NEGR1: variants seen among roughly 807,000 people sequenced by gnomAD.
The protein encoded by NEGR1 is IgLON family member 4.
A neutral mutation model predicts 40.9 loss-of-function variants in NEGR1; 10 were observed. The ratio of observed to expected loss-of-function variants is 0.24; its 90% CI spans 0.15 to 0.42. NEGR1 has a LOEUF of 0.42. Among genes scored for constraint, NEGR1 ranks in the 10% least tolerant of loss-of-function variants. The pLI, the probability that NEGR1 is intolerant of heterozygous loss-of-function variation, is 1.00. For missense variants in NEGR1, 352 were observed against 438.9 expected (o/e 0.80, Z 1.77); for synonymous variants, 185 against 166.8 (o/e 1.11, Z -0.84).
At chr1:71,593,027 T>TA (rs1451625061) in intron 5 of NEGR1, 59 bp from the exon 6 acceptor site, 81 of 1,316,058 alleles carry the variant, frequency 6.2e-5, no homozygotes, top group Non-Finnish European at 8.0e-5. Flanking sequence ...TTCATTTTTT[T>TA]ATCTTAGCTG....
chr1:71,421,119 C>T (rs187725556), intron 6 of NEGR1, among the ~76,000 whole-genome samples: 6 of 151,926 alleles, frequency 3.9e-5, no homozygotes, highest in South Asian at 2.1e-4. Context: ...ATAATAAATA[C>T]GTATTGATCA....
chr1:71,467,675 C>T (rs1646755771), intron 6 of NEGR1, among the ~76,000 whole-genome samples: 1 of 151,356 alleles, frequency 6.6e-6, no homozygotes, highest in Non-Finnish European at 1.5e-5. Flanking sequence ...GAGGATGAAA[C>T]ATTTTATACT....
intron 3 of NEGR1, among the ~76,000 whole-genome samples, chr1:71,751,632 C>T (rs1355691699): frequency 6.6e-6 from 1 of 152,002 alleles, no homozygotes; most frequent in Non-Finnish European, 1.5e-5. Context: ...AGGAGCTATT[C>T]AGCCCAGAGC....
At chr1:71,560,467 T>TATATATATATATATATA (rs1309219578) in intron 6 of NEGR1, among the ~76,000 whole-genome samples, 1 of 93,258 alleles carries the variant, frequency 1.1e-5, no homozygotes, top group Non-Finnish European at 2.4e-5. Context: ...ATATTTCCAA[T>TATATATATATATATATA]TAACCATCAT....
chr1:71,674,586 GCACACACACACACACACA>G (rs3220087), intron 4 of NEGR1, among the ~76,000 whole-genome samples: 4 of 146,806 alleles, frequency 2.7e-5, no homozygotes, highest in African/African-American at 1.0e-4. Context: ...TGCTGGGAGG[GCACACACACACACACACA>G]CACACACACA....
intron 6 of NEGR1, among the ~76,000 whole-genome samples, chr1:71,513,593 T>A (rs1254281498): frequency 6.6e-6 from 1 of 152,196 alleles, no homozygotes; most frequent in Non-Finnish European, 1.5e-5. Flanking sequence ...TGTAGACATT[T>A]TCTTAAAATA....
intron 2 of NEGR1, among the ~76,000 whole-genome samples, chr1:71,898,964 CATAT>C (rs56183950): frequency 4.2e-5 from 4 of 95,938 alleles, no homozygotes; most frequent in East Asian, 4.8e-4. Flanking sequence ...ATATATATAG[CATAT>C]ATATATATAT....
chr1:72,137,806 C>T (rs972261932), intron 1 of NEGR1, among the ~76,000 whole-genome samples: 2 of 151,858 alleles, frequency 1.3e-5, no homozygotes, highest in Non-Finnish European at 2.9e-5. Flanking sequence ...TTTTTAAAAG[C>T]CAGAGAAAAA....
At chr1:72,035,602 C>T (rs560796848) in intron 1 of NEGR1, among the ~76,000 whole-genome samples, 14 of 152,180 alleles carry the variant, frequency 9.2e-5, no homozygotes, top group African/African-American at 3.1e-4. Context: ...TATAATCACA[C>T]ATGGTTAAGT....
intron 1 of NEGR1, among the ~76,000 whole-genome samples, chr1:72,249,978 TTA>T (rs1655030432): frequency 6.6e-6 from 1 of 152,232 alleles, no homozygotes; most frequent in African/African-American, 2.4e-5. Flanking sequence ...ATGGCTAGTT[TTA>T]TGTTTTAACT....
chr1:71,488,233 A>G (rs1019411211), intron 6 of NEGR1: 30 of 151,778 alleles, frequency 2.0e-4, no homozygotes, highest in African/African-American at 7.0e-4. Flanking sequence ...TCCAGAGGCA[A>G]CAGTTTTGTG....
intron 2 of NEGR1, among the ~76,000 whole-genome samples, chr1:71,848,569 C>G (rs1659497508): frequency 6.6e-6 from 1 of 152,202 alleles, no homozygotes. Flanking sequence ...CATCTGTTTA[C>G]AGTATGGTTT....
chr1:71,503,168 A>G (rs1030291027), intron 6 of NEGR1, among the ~76,000 whole-genome samples: 4 of 152,198 alleles, frequency 2.6e-5, no homozygotes, highest in Non-Finnish European at 5.9e-5. Context: ...TATCTGGCCT[A>G]AAGACCCTAC....
intron 3 of NEGR1, among the ~76,000 whole-genome samples, chr1:71,760,935 G>C (rs1487743649): frequency 6.6e-6 from 1 of 152,140 alleles, no homozygotes; most frequent in Non-Finnish European, 1.5e-5. Flanking sequence ...GTTTATAACT[G>C]TAATGACTTA....
At chr1:71,973,849 G>A (rs1480367627) in intron 1 of NEGR1, among the ~76,000 whole-genome samples, 1 of 152,096 alleles carries the variant, frequency 6.6e-6, no homozygotes, top group Non-Finnish European at 1.5e-5. Flanking sequence ...GGCTTCTTGT[G>A]TCTGCACTGT....
At chr1:71,756,434 C>A (rs954263210) in intron 3 of NEGR1, among the ~76,000 whole-genome samples, 13 of 147,348 alleles carry the variant, frequency 8.8e-5, no homozygotes, top group South Asian at 4.3e-4. Flanking sequence ...CCAAAAAAAA[C>A]CACATCAGGC....
At chr1:71,433,314 C>G (rs778136595) in intron 6 of NEGR1, among the ~76,000 whole-genome samples, 2 of 152,172 alleles carry the variant, frequency 1.3e-5, no homozygotes, top group Non-Finnish European at 2.9e-5. Context: ...ATTAACGTAT[C>G]TATCATCTCA....
At chr1:72,212,121 C>T (rs1653631079) in intron 1 of NEGR1, among the ~76,000 whole-genome samples, 1 of 152,008 alleles carries the variant, frequency 6.6e-6, no homozygotes, top group South Asian at 2.1e-4. Context: ...GATGTTTATG[C>T]TGTTTTGATT....
rs1646490843 is a variant in NEGR1 at position 71,994,968 on chromosome 1, A to C, written c.177-59657T>G. ...TGTATGGCAATGCAATATAAGCATT[A>C]GGGAGACCTAAATCTCCAAATTTAC... On this transcript the variant is annotated intron_variant, in intron 1 of 6. Coordinates refer to ENST00000357731, the MANE Select transcript of NEGR1 (RefSeq NM_173808.3). 2.2e-5 allele frequency among the ~76,000 whole-genome samples: 3 copies of C among 138,394 alleles called. No individual in the cohort carries two copies. In the Admixed American group the frequency reaches 2.3e-4, roughly 11 times the overall value. 90.8% of individuals were successfully genotyped at this position (138,394 alleles called of 152,430 possible).
Sources: allele counts gnomAD v4.1 joint callset (sites outside exome capture counted in the v4.1 genomes callset), GRCh38; gene constraint gnomAD v4.1.1; transcripts MANE v1.5; gene names NCBI Gene and HGNC (gene_info 2026-07-23, HGNC 2026-07-21).